Variants in FAM124A observed in about 807,000 individuals in gnomAD.
The protein encoded by FAM124A is family with sequence similarity 124 member A.
In FAM124A, 23 loss-of-function variants were observed where a neutral mutation model predicts 24.5. That is an observed-to-expected ratio of 0.94 (90% confidence interval 0.68 to 1.33). The LOEUF (loss-of-function observed/expected upper bound fraction) is 1.33, where lower values mean the gene tolerates loss of function less well. FAM124A is among the 40% of genes most tolerant of loss of function. The pLI, the probability that FAM124A is intolerant of heterozygous loss-of-function variation, is 0.00. For synonymous variants in FAM124A, 287 were observed against 314.7 expected, an observed-to-expected ratio of 0.91 and a Z score of 0.93; for missense variants, 623 against 722.8, an observed-to-expected ratio of 0.86 and a Z score of 1.58.
In FAM124A at chr13:51,230,507, A is replaced by G. The variant is rs975258497; in HGVS notation, c.69-841A>G. Among the ~76,000 whole-genome samples, 3 of 152,354 alleles carry G rather than the reference A, an allele frequency of 2.0e-5. No individual in the cohort carries two copies. The South Asian group carries it at 6.2e-4, about 32-fold the overall frequency. On this transcript the variant is annotated intron_variant, in intron 1 of 3. Coordinates refer to ENST00000322475, the MANE Select transcript of FAM124A (RefSeq NM_001242312.2). ...ATGGCAGAATAAATCCCTACGTGCT[A>G]AAGTGATTAATTTCCTACTGAGAAT...
intron 3 of FAM124A, among the ~76,000 whole-genome samples, chr13:51,267,208 A>C (rs1954793270): frequency 6.6e-6 from 1 of 152,238 alleles, no homozygotes; most frequent in African/African-American, 2.4e-5. Flanking sequence ...GCTAAGATTC[A>C]CTAGTAATCC....
chr13:51,260,970 C>T (rs1407079453), intron 3 of FAM124A, among the ~76,000 whole-genome samples: 1 of 152,138 alleles, frequency 6.6e-6, no homozygotes, highest in Non-Finnish European at 1.5e-5. Flanking sequence ...ATTACCACCA[C>T]CTAAGACACG....
intron 1 of FAM124A, chr13:51,227,170 C>T (rs1447260357): frequency 6.6e-6 from 1 of 152,062 alleles, no homozygotes; most frequent in Non-Finnish European, 1.5e-5. Flanking sequence ...TTTTAAATAC[C>T]TTAAGTAATT....
chr13:51,246,131 C>A (rs1359425973), intron 2 of FAM124A, among the ~76,000 whole-genome samples: 1 of 152,180 alleles, frequency 6.6e-6, no homozygotes, highest in Non-Finnish European at 1.5e-5. Flanking sequence ...GCTAGCAGCT[C>A]CCATCCTCCC....
intron 1 of FAM124A, among the ~76,000 whole-genome samples, chr13:51,230,901 C>T (rs1372370037): frequency 6.6e-6 from 1 of 152,178 alleles, no homozygotes; most frequent in Non-Finnish European, 1.5e-5. Context: ...AGCTGAGGTT[C>T]CCTCTCTCCT....
At chr13:51,231,327 C>T (rs761755677) in intron 1 of FAM124A, 21 bp from the exon 2 acceptor site, 34 of 1,613,594 alleles carry the variant, frequency 2.1e-5, no homozygotes, top group Middle Eastern at 3.3e-4. Flanking sequence ...ATTCTACTAA[C>T]GCTGAGGTCT....
At chr13:51,243,195 C>T (rs1380337167) in intron 2 of FAM124A, among the ~76,000 whole-genome samples, 1 of 152,168 alleles carries the variant, frequency 6.6e-6, no homozygotes. Flanking sequence ...GCCAACAGGC[C>T]TTGTCAAAAT....
chr13:51,228,067 A>G (rs1024810045), intron 1 of FAM124A, among the ~76,000 whole-genome samples: 2 of 152,202 alleles, frequency 1.3e-5, no homozygotes, highest in African/African-American at 2.4e-5. Context: ...ATTCAGTGCA[A>G]TGAGGGTTAA....
In FAM124A at chr13:51,282,170, G is replaced by A. The variant is rs1015270908; in HGVS notation, c.*914G>A. 1 of 152,196 alleles carries A rather than the reference G, an allele frequency of 6.6e-6. No homozygotes were observed. The highest frequency in any genetic ancestry group is 2.4e-5 in the African/African-American group (1 of 41,448). The allele number at this position is 152,196 out of a possible 1,614,324, so 9.4% of individuals were successfully genotyped here. A position where few individuals can be genotyped will look rare whatever the true frequency, so the allele number is the denominator to read the frequency against. On this transcript the variant is annotated 3_prime_UTR_variant, in exon 4 of 4. Transcript: ENST00000322475. Reference sequence around the variant, plus strand: ...TCTAAGGACTATATTCAAATGACAAGAGCCGCACTGTATACTGCTTTCTGC... The same window carrying A: ...TCTAAGGACTATATTCAAATGACAAAAGCCGCACTGTATACTGCTTTCTGC...
At chr13:51,239,697 A>T (rs991963856) in intron 2 of FAM124A, among the ~76,000 whole-genome samples, 2 of 152,144 alleles carry the variant, frequency 1.3e-5, no homozygotes, top group Non-Finnish European at 2.9e-5. Context: ...TAAAAACTGT[A>T]CTCTTTAAAG....
rs780570797 is a variant in FAM124A, at chr13:51,225,976, CTTTTTTTTT to C, written c.68+3434_68+3442del. Among the ~76,000 whole-genome samples the C allele has an allele frequency of 8.1e-3, 545 of 67,574 alleles. 7 individuals carry two copies. The highest frequency in any genetic ancestry group is 0.032 in the African/African-American group (431 of 13,378). 44.3% of individuals were successfully genotyped at this position (67,574 alleles called of 152,430 possible). On this transcript the variant is annotated intron_variant, in intron 1 of 3. Transcript: ENST00000322475. The stretch of plus-strand genomic sequence containing the variant: ...ATCTGTAATGTTGCTTGCTTGCTTT[CTTTTTTTTT>C]TTTTTTTTTTTTTTTTTTTTTTTTT...
chr13:51,227,675 T>C (rs1347836817), intron 1 of FAM124A, among the ~76,000 whole-genome samples: 1 of 152,254 alleles, frequency 6.6e-6, no homozygotes, highest in Non-Finnish European at 1.5e-5. Flanking sequence ...AATGACTGTT[T>C]CATTAGTGAT....
At chr13:51,230,854 T>C (rs768239737) in intron 1 of FAM124A, among the ~76,000 whole-genome samples, 67 of 152,226 alleles carry the variant, frequency 4.4e-4, no homozygotes, top group Non-Finnish European at 7.6e-4. Context: ...CTTTGTTTCC[T>C]GGTGGTCAGC....
At chr13:51,243,833 G>A (rs561059579) in intron 2 of FAM124A, among the ~76,000 whole-genome samples, 1 of 152,224 alleles carries the variant, frequency 6.6e-6, no homozygotes, top group South Asian at 2.1e-4. Flanking sequence ...ACCACGCCCA[G>A]CCCAGATCTG....
intron 1 of FAM124A, among the ~76,000 whole-genome samples, chr13:51,226,244 C>T (rs1181152074): frequency 6.6e-6 from 1 of 151,936 alleles, no homozygotes; most frequent in Non-Finnish European, 1.5e-5. Context: ...AGCAGTCCTT[C>T]CACCTTGGCC....
At chr13:51,234,022 T>A (rs879424659) in intron 2 of FAM124A, among the ~76,000 whole-genome samples, 1 of 152,164 alleles carries the variant, frequency 6.6e-6, no homozygotes, top group Non-Finnish European at 1.5e-5. Flanking sequence ...CAGTTTGACA[T>A]CCTGGGAGCA....
intron 2 of FAM124A, chr13:51,245,454 C>T: frequency 1.7e-6 from 1 of 600,420 alleles, no homozygotes; most frequent in Non-Finnish European, 3.0e-6. Context: ...TTCCGGCATT[C>T]ATCTGTGCAA....
At chr13:51,249,612 T>C (rs1954598296) in intron 2 of FAM124A, among the ~76,000 whole-genome samples, 1 of 152,248 alleles carries the variant, frequency 6.6e-6, no homozygotes, top group Non-Finnish European at 1.5e-5. Flanking sequence ...TATCTGGCCA[T>C]CTTGTCTTGT....
intron 2 of FAM124A, among the ~76,000 whole-genome samples, chr13:51,249,558 C>T (rs898518059): frequency 1.3e-5 from 2 of 152,136 alleles, no homozygotes; most frequent in African/African-American, 4.8e-5. Context: ...CATGGCCCTG[C>T]AGCAAAATGG....
Sources: gnomAD v4.1 joint callset for allele counts (sites outside exome capture counted in the v4.1 genomes callset) on GRCh38, gnomAD v4.1.1 for gene constraint, MANE v1.5 for transcripts, NCBI Gene and HGNC (gene_info 2026-07-23, HGNC 2026-07-21) for gene names.